Variants in RSU1 observed in about 807,000 individuals in gnomAD.
RSU1 encodes rsu-1.
RSU1 carries 26 observed loss-of-function variants against 31.1 expected under a neutral mutation model. That is an observed-to-expected ratio of 0.84 (90% CI 0.61 to 1.16). The LOEUF is 1.16. RSU1 is among the 50% of genes most tolerant of loss of function. The pLI is 0.00. For synonymous variants in RSU1, 164 were observed against 136.3 expected, an observed-to-expected ratio of 1.20 and a Z score of -1.41; for missense variants, 320 against 339.1, an observed-to-expected ratio of 0.94 and a Z score of 0.44.
At chr10:16,789,851 C>T (rs895973843) in intron 2 of RSU1, among the ~76,000 whole-genome samples, 2 of 152,290 alleles carry the variant, frequency 1.3e-5, no homozygotes, top group Admixed American at 6.5e-5. Context: ...ATGCTTTGCC[C>T]GGGCATTTTC....
At chr10:16,651,360 C>T (rs978584152) in intron 8 of RSU1, among the ~76,000 whole-genome samples, 1 of 152,148 alleles carries the variant, frequency 6.6e-6, no homozygotes, top group African/African-American at 2.4e-5. Flanking sequence ...TTCAAATGTA[C>T]TTTGTTTGAA....
chr10:16,653,961 A>T (rs535041849), intron 8 of RSU1, among the ~76,000 whole-genome samples: 2 of 152,118 alleles, frequency 1.3e-5, no homozygotes, highest in East Asian at 3.9e-4. Flanking sequence ...ATACACCCCC[A>T]AGTAACCCTA....
intron 8 of RSU1, among the ~76,000 whole-genome samples, chr10:16,689,275 G>C (rs942693154): frequency 6.6e-6 from 1 of 152,208 alleles, no homozygotes; most frequent in African/African-American, 2.4e-5. Flanking sequence ...TACTTCATCA[G>C]ATGTTTATTA....
intron 7 of RSU1, chr10:16,721,317 C>G (rs1836257047): frequency 6.6e-6 from 1 of 152,378 alleles, no homozygotes; most frequent in African/African-American, 2.4e-5. Context: ...ACAATGCAAA[C>G]AGGGAAGCAG....
intron 3 of RSU1, among the ~76,000 whole-genome samples, chr10:16,765,486 G>C (rs1232685161): frequency 6.6e-6 from 1 of 152,094 alleles, no homozygotes; most frequent in African/African-American, 2.4e-5. Flanking sequence ...TCAGCCACTG[G>C]GGACCTGAAA....
chr10:16,641,606 G>A (rs1476668549), intron 8 of RSU1, among the ~76,000 whole-genome samples: 2 of 152,154 alleles, frequency 1.3e-5, no homozygotes, highest in Non-Finnish European at 2.9e-5. Context: ...CAGGGCTTGG[G>A]TGGGCCCATT....
rs4012467 is a variant in RSU1 at position 16,683,160 on chromosome 10, G to GGTGTGT, written c.731+11857_731+11862dup. Among the ~76,000 whole-genome samples, 72 of 143,446 alleles carry GGTGTGT rather than the reference G, an allele frequency of 5.0e-4. No homozygotes were observed. In the Middle Eastern group the frequency reaches 0.018, roughly 35 times the overall value. 94.1% of individuals were successfully genotyped at this position (143,446 alleles called of 152,430 possible). Reference sequence around the variant, plus strand: ...AGCCTTAAGAGAGGAATGGGTGTGTGGTGTGTGTGTGTGTGTGTGTGTGTT... The same window carrying GGTGTGT: ...AGCCTTAAGAGAGGAATGGGTGTGTGGTGTGTGTGTGTGTGTGTGTGTGTGTGTGTT... On this transcript the variant is annotated intron_variant, in intron 8 of 8. Transcript: ENST00000345264.
At chr10:16,700,096 T>C (rs1271805638) in intron 7 of RSU1, among the ~76,000 whole-genome samples, 1 of 152,188 alleles carries the variant, frequency 6.6e-6, no homozygotes, top group African/African-American at 2.4e-5. Context: ...GTTGTTTCCA[T>C]AATCACACTC....
Position 16,754,887 on chromosome 10 carries a change from T to A in RSU1, c.384A>T (p.Gly128=). The A allele has an allele frequency of 6.2e-7, 1 of 1,607,788 alleles. No homozygotes were observed. Among genetic ancestry groups the A allele is most frequent in the Non-Finnish European group, 8.5e-7 (1 of 1,175,144 alleles). Residue 128 remains glycine, a synonymous_variant, in exon 5 of 9, where the codon GGA becomes GGT. Coordinates refer to ENST00000345264, the MANE Select transcript of RSU1 (RefSeq NM_012425.4). The stretch of plus-strand genomic sequence containing the variant: ...GTTTCTTACTCAGGTAGAAGAAGTT[T>A]CCAGGAAGAGAATTTTCGCTCAAGT... ...YNNLSENSLP[G]NFFYLTTLRA...
intron 3 of RSU1, among the ~76,000 whole-genome samples, chr10:16,766,711 A>G (rs2019341): frequency 0.17 from 25,773 of 151,572 alleles, 2,254 homozygotes; most frequent in Middle Eastern, 0.22. Flanking sequence ...GTACAACTCT[A>G]TCTCGAGAAG....
intron 3 of RSU1, among the ~76,000 whole-genome samples, chr10:16,779,561 G>A (rs778071726): frequency 2.6e-5 from 4 of 152,062 alleles, no homozygotes; most frequent in Non-Finnish European, 5.9e-5. Context: ...GTCAGAGAAC[G>A]GTGTAATTGG....
At chr10:16,718,918 T>G (rs1040976531) in intron 7 of RSU1, among the ~76,000 whole-genome samples, 3 of 150,368 alleles carry the variant, frequency 2.0e-5, no homozygotes, top group African/African-American at 4.9e-5. Context: ...GAGGTGGAGG[T>G]TGAAGTGAGC....
intron 8 of RSU1, among the ~76,000 whole-genome samples, chr10:16,642,535 T>G (rs1834463594): frequency 6.6e-6 from 1 of 152,188 alleles, no homozygotes; most frequent in African/African-American, 2.4e-5. Flanking sequence ...TGGCCATTAA[T>G]GATATCCAGG....
chr10:16,658,542 G>C (rs1834830669), intron 8 of RSU1, among the ~76,000 whole-genome samples: 1 of 152,092 alleles, frequency 6.6e-6, no homozygotes, highest in Non-Finnish European at 1.5e-5. Flanking sequence ...TGGATAACAT[G>C]GTGAAACCCC....
chr10:16,764,741 A>G (rs779592334), intron 3 of RSU1, among the ~76,000 whole-genome samples: 1 of 152,234 alleles, frequency 6.6e-6, no homozygotes, highest in Non-Finnish European at 1.5e-5. Context: ...TGCTTGGCAT[A>G]GTTTGTTTCA....
chr10:16,760,986 G>A (rs535312994), intron 4 of RSU1, among the ~76,000 whole-genome samples: 2 of 152,142 alleles, frequency 1.3e-5, no homozygotes, highest in African/African-American at 4.8e-5. Context: ...CTGTCACCTA[G>A]GCTGGAGTGC....
intron 7 of RSU1, among the ~76,000 whole-genome samples, chr10:16,706,762 A>C (rs1042262072): frequency 6.6e-6 from 1 of 152,124 alleles, no homozygotes; most frequent in African/African-American, 2.4e-5. Context: ...GCTGTTTCCT[A>C]ATATACAATA....
At position 16,741,040 on chromosome 10, in the gene RSU1, AC is replaced by A. The variant is rs533047147; in HGVS notation, c.598+11498del. Among the ~76,000 whole-genome samples, 45 of 152,362 alleles carry A rather than the reference AC, an allele frequency of 3.0e-4. No individual in the cohort carries two copies. In the South Asian group the frequency reaches 7.5e-3, roughly 25 times the overall value. ...AAAAAGAATAACAAAGTTGAAACTA[AC>A]ATGCCCCAATTTAAAAACTTACTAC... On this transcript the variant is annotated intron_variant, in intron 7 of 8. Coordinates refer to ENST00000345264, the MANE Select transcript of RSU1 (RefSeq NM_012425.4).
intron 8 of RSU1, among the ~76,000 whole-genome samples, chr10:16,604,317 G>A (rs1343282908): frequency 6.6e-6 from 1 of 152,104 alleles, no homozygotes; most frequent in African/African-American, 2.4e-5. Context: ...AGCAGACCAG[G>A]GATATCAGCA....
Sources: gnomAD v4.1 joint callset for allele counts (sites outside exome capture counted in the v4.1 genomes callset) on GRCh38, gnomAD v4.1.1 for gene constraint, MANE v1.5 for transcripts, NCBI Gene and HGNC (gene_info 2026-07-23, HGNC 2026-07-21) for gene names.